MTG1: variants seen among roughly 807,000 people sequenced by gnomAD.
The protein encoded by MTG1 is mitochondrial ribosome associated GTPase 1.
In MTG1, 30 loss-of-function variants were observed where a neutral mutation model predicts 39.5. That is an observed-to-expected ratio of 0.76 (90% CI 0.57 to 1.03). The LOEUF is 1.03. Ranked by LOEUF, MTG1 falls within the 50% of genes least tolerant of loss-of-function variation. The pLI, the probability that MTG1 is intolerant of heterozygous loss-of-function variation, is 0.00. For missense variants in MTG1, 513 were observed against 447.4 expected (o/e 1.15, Z -1.32); for synonymous variants, 217 against 179.0 (o/e 1.21, Z -1.69).
intron 9 of MTG1, among the ~76,000 whole-genome samples, chr10:133,409,576 T>A (rs561676571): frequency 6.6e-6 from 1 of 152,198 alleles, no homozygotes; most frequent in South Asian, 2.1e-4. Context: ...CTCCAGTGTT[T>A]CTGTTGATTT....
intron 9 of MTG1, among the ~76,000 whole-genome samples, chr10:133,417,759 G>A (rs1028631033): frequency 7.2e-5 from 11 of 152,152 alleles, no homozygotes; most frequent in African/African-American, 2.2e-4. Flanking sequence ...AATCATGAGT[G>A]AACTCCCATT....
intron 1 of MTG1, chr10:133,394,796 A>G (rs1564817329): frequency 1.0e-6 from 1 of 954,576 alleles, no homozygotes; most frequent in Non-Finnish European, 1.2e-6. Flanking sequence ...GTCTTTGGTA[A>G]TTCTTACTGT....
chr10:133,418,773 G>A (rs1339898159), intron 9 of MTG1, among the ~76,000 whole-genome samples: 1 of 152,184 alleles, frequency 6.6e-6, no homozygotes, highest in Non-Finnish European at 1.5e-5. Flanking sequence ...AGGAAGGTTG[G>A]GAGAGTGTTG....
intron 2 of MTG1, 132 bp from the exon 3 acceptor site, chr10:133,396,031 C>A: frequency 1.1e-6 from 1 of 902,210 alleles, no homozygotes; most frequent in South Asian, 1.5e-5. Flanking sequence ...TTAAATGTTC[C>A]TGCCAACTGG....
At chr10:133,406,890 C>G (rs1849977815) in intron 9 of MTG1, among the ~76,000 whole-genome samples, 1 of 152,138 alleles carries the variant, frequency 6.6e-6, no homozygotes. Flanking sequence ...GTCTTGAACT[C>G]CTGACCTCGT....
chr10:133,396,111 A>G, intron 2 of MTG1, 52 bp from the exon 3 acceptor site: 1 of 1,548,214 alleles, frequency 6.5e-7, no homozygotes, highest in Non-Finnish European at 8.9e-7. Flanking sequence ...GCAAGAAAAA[A>G]AGTTGGTTGG....
At position 133,395,880 on chromosome 10, in the gene MTG1, C is replaced by T. The variant is rs962364543; in HGVS notation, c.177+103C>T. On this transcript the variant is annotated intron_variant, in intron 2 of 10. Coordinates refer to ENST00000317502, the MANE Select transcript of MTG1 (RefSeq NM_138384.4). Reference sequence around the variant, plus strand: ...AAAATATGAATTGCGAGGCCCCTTTCTAGACCAGTTAATCAGAATCTGTGA... The same window carrying T: ...AAAATATGAATTGCGAGGCCCCTTTTTAGACCAGTTAATCAGAATCTGTGA... The T allele has an allele frequency of 5.1e-6, 6 of 1,187,600 alleles. No homozygotes were observed. The African/African-American group carries it at 9.1e-5, about 18-fold the overall frequency. 73.6% of individuals were successfully genotyped at this position (1,187,600 alleles called of 1,614,324 possible).
intron 9 of MTG1, among the ~76,000 whole-genome samples, chr10:133,411,000 TG>T (rs1850038218): frequency 6.6e-6 from 1 of 152,260 alleles, no homozygotes; most frequent in South Asian, 2.1e-4. Context: ...GAGATGTGAA[TG>T]AATGCACACC....
Position 133,397,838 on chromosome 10 carries a change from T to C in MTG1, c.283-597T>C, listed in dbSNP as rs147538395. Among the ~76,000 whole-genome samples, 286 of 151,726 alleles carry C rather than the reference T, an allele frequency of 1.9e-3. 2 individuals carry two copies. The highest frequency in any genetic ancestry group is 6.2e-3 in the African/African-American group (258 of 41,330). On this transcript the variant is annotated intron_variant, in intron 3 of 10. Coordinates refer to ENST00000317502, the MANE Select transcript of MTG1 (RefSeq NM_138384.4). ...TTCACTAGTTGGTACTTTTACGTCA[T>C]ATCAGTGGCAACTCCTGCCTTTGAA...
rs775960661 is a variant in MTG1, at chr10:133,399,635, G to A, written c.511+16G>A. 1.2e-6 allele frequency: 2 copies of A among 1,612,088 alleles called. No homozygotes were observed. Among genetic ancestry groups the A allele is most frequent in the Non-Finnish European group, 1.7e-6 (2 of 1,178,902 alleles). Reference sequence around the variant, plus strand: ...CTCAGGAAAGGTACTGGCGCGTGCGGCTGATCACCTCAGGAAAGGTACTGG... The same window carrying A: ...CTCAGGAAAGGTACTGGCGCGTGCGACTGATCACCTCAGGAAAGGTACTGG... On this transcript the variant is annotated intron_variant, in intron 6 of 10. Transcript: ENST00000317502.
At chr10:133,401,762 G>A (rs1228185759) in intron 7 of MTG1, 172 bp downstream of exon 7, 4 of 729,892 alleles carry the variant, frequency 5.5e-6, no homozygotes, top group East Asian at 2.7e-5. Flanking sequence ...TTCCACAGTC[G>A]TCATAGTCTT....
At chr10:133,415,179 T>A (rs897126517) in intron 9 of MTG1, among the ~76,000 whole-genome samples, 29 of 151,548 alleles carry the variant, frequency 1.9e-4, no homozygotes, top group Non-Finnish European at 1.6e-4. Context: ...AGGGAGACCG[T>A]GGAGAGGGAG....
chr10:133,401,346 T>C (rs979815108), intron 6 of MTG1, 183 bp from the exon 7 acceptor site: 1 of 513,498 alleles, frequency 1.9e-6, no homozygotes, highest in Non-Finnish European at 3.4e-6. Context: ...CATCTGGCTT[T>C]TAGTTTCCAT....
At position 133,399,336 on chromosome 10, in the gene MTG1, C is replaced by T. The variant is rs1849834444; in HGVS notation, c.420+110C>T. 4.5e-6 allele frequency: 6 copies of T among 1,320,828 alleles called. No individual in the cohort carries two copies. In the Admixed American group the frequency reaches 1.1e-4, roughly 25 times the overall value. The allele number at this position is 1,320,828 out of a possible 1,614,324, so 81.8% of individuals were successfully genotyped here. ...GCGCAGCGCCCCAGGCAGGGAGGCCCCTCCTTTGTCCTCTCATTCTCTTCA... is the reference window on the plus strand; with the variant it reads ...GCGCAGCGCCCCAGGCAGGGAGGCCTCTCCTTTGTCCTCTCATTCTCTTCA... On this transcript the variant is annotated intron_variant, in intron 5 of 10. Transcript: ENST00000317502.
In MTG1 at chr10:133,402,987, C is replaced by A. The variant is rs191554258; in HGVS notation, c.752+214C>A. On this transcript the variant is annotated intron_variant, in intron 9 of 10. Coordinates refer to ENST00000317502, the MANE Select transcript of MTG1 (RefSeq NM_138384.4). This position sits in a 1 kb window ranked among gnomAD's most constrained non-coding sequence, Gnocchi z 4.7. ...CAAGAAAACGAGCGTTCCCGTCACCCCCAGTCCCTGCTCCTCTTTCGTGAA... is the reference window on the plus strand; with the variant it reads ...CAAGAAAACGAGCGTTCCCGTCACCACCAGTCCCTGCTCCTCTTTCGTGAA... 2 of 523,944 alleles carry A rather than the reference C, an allele frequency of 3.8e-6. No homozygotes were observed. Among genetic ancestry groups the A allele is most frequent in the Admixed American group, 6.5e-5 (2 of 30,856 alleles). The allele number at this position is 523,944 out of a possible 1,614,324, so 32.5% of individuals were successfully genotyped here. A position where few individuals can be genotyped will look rare whatever the true frequency, so the allele number is the denominator to read the frequency against.
At chr10:133,395,330 G>A (rs1419031039) in intron 1 of MTG1, among the ~76,000 whole-genome samples, 2 of 152,226 alleles carry the variant, frequency 1.3e-5, no homozygotes, top group African/African-American at 4.8e-5. Context: ...GGCAGGCGGA[G>A]GTTGCAGTGA....
In MTG1 at chr10:133,402,975, G is replaced by A. The variant is rs186714461; in HGVS notation, c.752+202G>A. ...GCAACACACAATCAAGAAAACGAGC[G>A]TTCCCGTCACCCCCAGTCCCTGCTC... On this transcript the variant is annotated intron_variant, in intron 9 of 10. Transcript: ENST00000317502. This position sits in a 1 kb window ranked among gnomAD's most constrained non-coding sequence, Gnocchi z 4.7. 1,391 of 524,964 alleles carry A rather than the reference G, an allele frequency of 2.6e-3. No individual in the cohort carries two copies. The highest frequency in any genetic ancestry group is 3.8e-3 in the Non-Finnish European group (1,136 of 295,782). 32.5% of individuals were successfully genotyped at this position (524,964 alleles called of 1,614,324 possible).
rs1449658087 is a variant in MTG1 at position 133,414,223 on chromosome 10, G to A, written c.753-5257G>A. Among the ~76,000 whole-genome samples, 15 of 150,956 alleles carry A rather than the reference G, an allele frequency of 9.9e-5. No individual in the cohort carries two copies. The East Asian group carries it at 2.9e-3, about 29-fold the overall frequency. ...CACAGCACATGTTTCAGAGAGCACA[G>A]GGTTGGGGGTAAGGTCACAGATCAA... On this transcript the variant is annotated intron_variant, in intron 9 of 10. Transcript: ENST00000317502.
At position 133,421,254 on chromosome 10, in the gene MTG1, G is replaced by A. The variant is rs1850229315; in HGVS notation, c.*1089G>A. The A allele has an allele frequency of 6.5e-6, 1 of 152,862 alleles. No homozygotes were observed. Among genetic ancestry groups the A allele is most frequent in the Admixed American group, 6.5e-5 (1 of 15,292 alleles). The allele number at this position is 152,862 out of a possible 1,614,324, so 9.5% of individuals were successfully genotyped here. A position where few individuals can be genotyped will look rare whatever the true frequency, so the allele number is the denominator to read the frequency against. On this transcript the variant is annotated 3_prime_UTR_variant, in exon 11 of 11. Coordinates refer to ENST00000317502, the MANE Select transcript of MTG1 (RefSeq NM_138384.4). The stretch of plus-strand genomic sequence containing the variant: ...ATCGTGCCATAACCCTGACCGCCTG[G>A]GGCAGGAAGTATTCAGGTTGGCTGT...
Sources: allele counts gnomAD v4.1 joint callset (sites outside exome capture counted in the v4.1 genomes callset), GRCh38; gene constraint gnomAD v4.1.1; non-coding constraint Gnocchi (gnomAD v3.1); transcripts MANE v1.5; gene names NCBI Gene and HGNC (gene_info 2026-07-23, HGNC 2026-07-21).